DGKD: variants seen among roughly 807,000 people sequenced by gnomAD.
The protein encoded by DGKD is DAG kinase delta.
A neutral mutation model predicts 154.4 loss-of-function variants in DGKD; 68 were observed. That is an observed-to-expected ratio of 0.44 (90% confidence interval 0.36 to 0.54). The LOEUF is 0.54. DGKD is among the 20% of genes least tolerant of loss of function. The pLI is 0.00. For synonymous variants in DGKD, 693 were observed against 638.0 expected, an observed-to-expected ratio of 1.09 and a Z score of -1.30; for missense variants, 1,343 against 1,593.6, an observed-to-expected ratio of 0.84 and a Z score of 2.68.
intron 1 of DGKD, among the ~76,000 whole-genome samples, chr2:233,385,125 T>C (rs1285893398): frequency 6.6e-6 from 1 of 152,140 alleles, no homozygotes; most frequent in Non-Finnish European, 1.5e-5. Flanking sequence ...CAGAGTCCAT[T>C]CTGGACTTTC....
chr2:233,449,074 T>C lies in DGKD; in HGVS notation c.1615-29T>C. On this transcript the variant is annotated intron_variant, in intron 14 of 29. Transcript: ENST00000264057. The surrounding 1 kb of genome is among the most constrained non-coding windows in gnomAD (Gnocchi z 5.3). ...GCAGACCCTGTTCTCCTGCCTCAGC[T>C]CTGCATGCCATTTCCTTTCCTTGTT... 1 of 1,565,172 alleles carries C rather than the reference T, an allele frequency of 6.4e-7. No individual in the cohort carries two copies. Among genetic ancestry groups the C allele is most frequent in the Non-Finnish European group, 8.7e-7 (1 of 1,148,280 alleles).
intron 2 of DGKD, among the ~76,000 whole-genome samples, chr2:233,389,524 A>G (rs939721921): frequency 3.9e-5 from 6 of 152,194 alleles, no homozygotes; most frequent in Non-Finnish European, 7.4e-5. Flanking sequence ...AAAATTTGAA[A>G]TGGAACAAAG....
intron 3 of DGKD, among the ~76,000 whole-genome samples, chr2:233,420,427 C>G (rs767773736): frequency 2.0e-5 from 3 of 152,210 alleles, no homozygotes; most frequent in Non-Finnish European, 2.9e-5. Context: ...ATAGATATAA[C>G]AGAGGCACTT....
intron 1 of DGKD, among the ~76,000 whole-genome samples, chr2:233,387,564 T>C (rs1364369329): frequency 6.6e-6 from 1 of 152,236 alleles, no homozygotes; most frequent in Admixed American, 6.5e-5. Flanking sequence ...TAGAGCCCCC[T>C]TCATTCTTGG....
chr2:233,456,769 C>G (rs930210656), intron 19 of DGKD, 130 bp from the exon 20 acceptor site: 2 of 686,452 alleles, frequency 2.9e-6, no homozygotes, highest in Non-Finnish European at 5.1e-6. Flanking sequence ...TCAGATGTTA[C>G]TGCTGTAAAT....
intron 3 of DGKD, among the ~76,000 whole-genome samples, chr2:233,401,415 G>A (rs1282172292): frequency 6.6e-6 from 1 of 152,090 alleles, no homozygotes; most frequent in African/African-American, 2.4e-5. Flanking sequence ...TACTTTCTCT[G>A]TTTACTGAAT....
In DGKD at chr2:233,448,068, C is replaced by G. The variant is rs772412489; in HGVS notation, c.1420-19C>G. ...CTGTCACAGAGACCAACAGTCCTGG[C>G]CATTTGGGGTGATTGCAGGTACAGC... is the stretch of plus-strand genomic sequence containing the variant. On this transcript the variant is annotated intron_variant, in intron 12 of 29. Coordinates refer to ENST00000264057, the MANE Select transcript of DGKD (RefSeq NM_152879.3). The G allele has an allele frequency of 6.2e-7, 1 of 1,613,600 alleles. No homozygotes were observed. Among genetic ancestry groups the G allele is most frequent in the Non-Finnish European group, 8.5e-7 (1 of 1,179,862 alleles).
intron 1 of DGKD, among the ~76,000 whole-genome samples, chr2:233,377,504 A>G (rs1023252406): frequency 6.6e-6 from 1 of 152,230 alleles, no homozygotes; most frequent in Admixed American, 6.5e-5. Context: ...ATGGTACTCC[A>G]TATTTTGAAT....
chr2:233,448,977 G>A (rs980740720), intron 14 of DGKD, 126 bp from the exon 15 acceptor site: 27 of 1,224,856 alleles, frequency 2.2e-5, no homozygotes, highest in Middle Eastern at 2.9e-4. Flanking sequence ...TTACTTAGGC[G>A]TGGAGAGTTA....
At chr2:233,465,598 A>AT (rs934067899) in intron 27 of DGKD, among the ~76,000 whole-genome samples, 2 of 151,952 alleles carry the variant, frequency 1.3e-5, no homozygotes, top group South Asian at 2.1e-4. Context: ...TTAAAAAAAA[A>AT]TTTTTTTTTA....
At chr2:233,435,499 A>G (rs574641813) in intron 5 of DGKD, among the ~76,000 whole-genome samples, 54 of 152,224 alleles carry the variant, frequency 3.5e-4, no homozygotes, top group Non-Finnish European at 6.0e-4. Flanking sequence ...GCCCGTAAAA[A>G]AACATTGTCT....
rs1222375811 is a variant in DGKD at position 233,471,544 on chromosome 2, G to A, written c.*2084G>A. On this transcript the variant is annotated 3_prime_UTR_variant, in exon 30 of 30. Coordinates refer to ENST00000264057, the MANE Select transcript of DGKD (RefSeq NM_152879.3). ...AGGCAAGCTGGAACTTGGGTGGGGA[G>A]GGGACATGAGGAGGATAAACAGCTG... 6.6e-6 allele frequency: 1 copy of A among 152,402 alleles called. No homozygotes were observed. Among genetic ancestry groups the A allele is most frequent in the Non-Finnish European group, 1.5e-5 (1 of 68,058 alleles). The allele number at this position is 152,402 out of a possible 1,614,324, so 9.4% of individuals were successfully genotyped here. A position where few individuals can be genotyped will look rare whatever the true frequency, so the allele number is the denominator to read the frequency against.
chr2:233,466,209 G>C (rs1282267722), intron 27 of DGKD, among the ~76,000 whole-genome samples: 1 of 150,890 alleles, frequency 6.6e-6, no homozygotes, highest in African/African-American at 2.4e-5. Flanking sequence ...AATGTATCTT[G>C]TATGCAGTTG....
In DGKD at chr2:233,452,454, T is replaced by G. The variant is rs2063325870; in HGVS notation, c.2264+394T>G. On this transcript the variant is annotated intron_variant, in intron 18 of 29. Transcript: ENST00000264057. This position sits in a 1 kb window ranked among gnomAD's most constrained non-coding sequence, Gnocchi z 4.0. ...TTCTGCTTACAGCCTGCCATCTTCC[T>G]CTTGCCATCCCTTCCCTCTGCTTTC... 6.6e-6 allele frequency among the ~76,000 whole-genome samples: 1 copy of G among 152,180 alleles called. No individual in the cohort carries two copies.
At chr2:233,419,126 C>T (rs1228931225) in intron 3 of DGKD, 1 of 645,400 alleles carries the variant, frequency 1.5e-6, no homozygotes, top group Admixed American at 6.3e-5. Context: ...CAGAAATGAC[C>T]CAGGGCGCCA....
Position 233,449,750 on chromosome 2 carries a change from C to G in DGKD, c.1889-232C>G, listed in dbSNP as rs2124865279. Among the ~76,000 whole-genome samples, 1 of 152,314 alleles carries G rather than the reference C, an allele frequency of 6.6e-6. No individual in the cohort carries two copies. The highest frequency in any genetic ancestry group is 6.5e-5 in the Admixed American group (1 of 15,308). On this transcript the variant is annotated intron_variant, in intron 15 of 29. Transcript: ENST00000264057. The surrounding 1 kb of genome is among the most constrained non-coding windows in gnomAD (Gnocchi z 5.3). ...CGCCAGGCTCCTCTGCATCCCTTGCCTTCCCCTGCAAGGGTTCCAGACCTC... is the reference window on the plus strand; with the variant it reads ...CGCCAGGCTCCTCTGCATCCCTTGCGTTCCCCTGCAAGGGTTCCAGACCTC...
intron 1 of DGKD, among the ~76,000 whole-genome samples, chr2:233,359,166 C>G (rs1160041067): frequency 1.3e-5 from 2 of 152,222 alleles, no homozygotes; most frequent in Admixed American, 6.5e-5. Flanking sequence ...GATGAAGTCA[C>G]TTCAGACCCT....
intron 1 of DGKD, among the ~76,000 whole-genome samples, chr2:233,363,996 A>G (rs1701910177): frequency 2.0e-5 from 3 of 152,362 alleles, no homozygotes; most frequent in South Asian, 2.1e-4. Context: ...GTTGAAAACC[A>G]TAGATGAAGA....
chr2:233,428,376 G>C (rs1197992290), intron 3 of DGKD, among the ~76,000 whole-genome samples: 1 of 152,134 alleles, frequency 6.6e-6, no homozygotes, highest in Non-Finnish European at 1.5e-5. Flanking sequence ...CATTTCTTGT[G>C]GTTTGGGAGA....
Sources: allele counts gnomAD v4.1 joint callset (sites outside exome capture counted in the v4.1 genomes callset), GRCh38; gene constraint gnomAD v4.1.1; non-coding constraint Gnocchi (gnomAD v3.1); transcripts MANE v1.5; gene names NCBI Gene and HGNC (gene_info 2026-07-23, HGNC 2026-07-21).